CCDC9: variants seen among roughly 807,000 people sequenced by gnomAD.
CCDC9 encodes coiled-coil domain containing 9.
Under a neutral mutation model 65.6 loss-of-function variants are expected in CCDC9, and 52 were observed. The observed-to-expected ratio is 0.79, with a 90% CI of 0.63 to 1.00. The LOEUF (loss-of-function observed/expected upper bound fraction) is 1.00. Among genes scored for constraint, CCDC9 ranks in the 50% least tolerant of loss-of-function variants. The probability of loss-of-function intolerance (pLI) is 0.00; values close to 1 mark genes in which losing one functional copy is unlikely to be tolerated. For missense variants in CCDC9, 834 were observed against 757.2 expected (o/e 1.10, Z -1.19); for synonymous variants, 332 against 280.3 (o/e 1.18, Z -1.84).
At chr19:47,273,959 C>A (rs1406777004), downstream of CCDC9, 10 of 984,374 alleles carry the variant, frequency 1.0e-5, no homozygotes, top group Non-Finnish European at 1.2e-5. Context: ...CCTCCCCCCT[C>A]CCGCAGGCCT....
intron 8 of CCDC9, among the ~76,000 whole-genome samples, chr19:47,267,070 C>T (rs1327662963): frequency 6.6e-6 from 1 of 150,882 alleles, no homozygotes; most frequent in Non-Finnish European, 1.5e-5. Context: ...GTTCACACCA[C>T]TCTCCTGCCT....
Position 47,264,880 on chromosome 19 carries a change from G to A in CCDC9, c.654G>A (p.Arg218=), listed in dbSNP as rs374702564. ...SERDRREESR[R]HGRNWGGPDF... is the part of the protein sequence containing the mutation. ...GGGACCGCCGGGAGGAGAGCCGCCG[G>A]CACGGCCGCAACTGGGGGGGCCCCG... Residue 218 remains arginine, a synonymous_variant, in exon 7 of 12, where the codon CGG becomes CGA. Coordinates refer to ENST00000221922, the MANE Select transcript of CCDC9 (RefSeq NM_015603.3). 2.7e-6 allele frequency: 4 copies of A among 1,477,946 alleles called. No individual in the cohort carries two copies. In the African/African-American group the frequency reaches 4.2e-5, roughly 16 times the overall value. 91.6% of individuals were successfully genotyped at this position (1,477,946 alleles called of 1,614,324 possible). A position where few individuals can be genotyped will look rare whatever the true frequency, so the allele number is the denominator to read the frequency against.
chr19:47,268,800 C>T (rs2123474503), intron 8 of CCDC9, among the ~76,000 whole-genome samples: 1 of 151,894 alleles, frequency 6.6e-6, no homozygotes, highest in South Asian at 2.1e-4. Context: ...GCCCTGTAGT[C>T]CCAGCTACTC....
At position 47,270,650 on chromosome 19, in the gene CCDC9, C is replaced by T; in HGVS notation, c.1047C>T (p.Ser349=). ...CCAGCAGCCGCAGAAGGAGAAAGAG[C>T]AGTCGGCCCCAGGCCAAGGCAGCGC... is the stretch of plus-strand genomic sequence containing the variant. The part of the protein sequence containing the change: ...AEASSRRRRK[S]SRPQAKAAPR... Residue 349 remains serine, a synonymous_variant, in exon 10 of 12, where the codon AGC becomes AGT. Coordinates refer to ENST00000221922, the MANE Select transcript of CCDC9 (RefSeq NM_015603.3). The T allele has an allele frequency of 6.2e-7, 1 of 1,612,380 alleles. No individual in the cohort carries two copies. The highest frequency in any genetic ancestry group is 1.3e-5 in the African/African-American group (1 of 75,018).
At chr19:47,270,746 T>C in intron 10 of CCDC9, 58 bp downstream of exon 10, 1 of 1,517,368 alleles carries the variant, frequency 6.6e-7, no homozygotes, top group Non-Finnish European at 8.8e-7. Flanking sequence ...GGGCGTTCTC[T>C]TCTTTGGCTT....
chr19:47,273,546 G>A (rs553686918), downstream of CCDC9: 5 of 454,002 alleles, frequency 1.1e-5, no homozygotes, highest in Non-Finnish European at 1.8e-5. Flanking sequence ...CCACACTCCA[G>A]CCAGGAGAGG....
downstream of CCDC9, chr19:47,274,007 A>G (rs1017319617): frequency 2.0e-6 from 2 of 983,302 alleles, no homozygotes; most frequent in African/African-American, 3.5e-5. Context: ...AGGGGACTGA[A>G]GCTTCCCCGC....
intron 10 of CCDC9, 55 bp downstream of exon 10, chr19:47,270,743 CTCT>C (rs1156323097): frequency 1.3e-6 from 2 of 1,530,198 alleles, no homozygotes; most frequent in African/African-American, 1.4e-5. Context: ...GCAGGGCGTT[CTCT>C]TCTTTGGCTT....
At chr19:47,274,989 C>CG (rs1568645273), downstream of CCDC9, 3 of 1,467,480 alleles carry the variant, frequency 2.0e-6, no homozygotes, top group South Asian at 2.6e-5. Flanking sequence ...CGAGGGCCCG[C>CG]GGGGGCGCTG....
chr19:47,266,486 T>C lies in CCDC9; in HGVS notation c.721-125T>C, dbSNP rs904373087. On this transcript the variant is annotated intron_variant, in intron 7 of 11. Coordinates refer to ENST00000221922, the MANE Select transcript of CCDC9 (RefSeq NM_015603.3). ...GTGAGGAGGTGCCACCTGAGCCTAG[T>C]TGATTGTGATCTCTGCCTTGTCATC... 15 of 1,405,428 alleles carry C rather than the reference T, an allele frequency of 1.1e-5. No homozygotes were observed. In the South Asian group the frequency reaches 1.3e-4, roughly 12 times the overall value. 87.1% of individuals were successfully genotyped at this position (1,405,428 alleles called of 1,614,324 possible). A position where few individuals can be genotyped will look rare whatever the true frequency, so the allele number is the denominator to read the frequency against.
chr19:47,264,339 C>G (rs2059065900), intron 5 of CCDC9, among the ~76,000 whole-genome samples: 1 of 152,160 alleles, frequency 6.6e-6, no homozygotes, highest in East Asian at 1.9e-4. Context: ...GAACGCAGGC[C>G]CCTTCTGTCT....
Position 47,271,103 on chromosome 19 carries a change from G to A in CCDC9, c.1107G>A (p.Glu369=). Residue 369 remains glutamate (E), a synonymous_variant, in exon 11 of 12, where the codon GAG becomes GAA. Transcript: ENST00000221922. ...CTAGTGACCATGATGACCGCTGGGA[G>A]ACAAAAGAAGGGGCAGCATCCCCAG... is the stretch of plus-strand genomic sequence containing the variant. The part of the protein sequence containing the change: ...RAYSDHDDRW[E]TKEGAASPAP... 1.9e-6 allele frequency: 3 copies of A among 1,560,860 alleles called. No individual in the cohort carries two copies. The highest frequency in any genetic ancestry group is 2.4e-5 in the South Asian group (2 of 84,602).
At chr19:47,262,068 G>A (rs2059049516) in intron 5 of CCDC9, among the ~76,000 whole-genome samples, 1 of 151,994 alleles carries the variant, frequency 6.6e-6, no homozygotes, top group African/African-American at 2.4e-5. Flanking sequence ...CCAAGCTGCT[G>A]TCACACAAAG....
Position 47,264,621 on chromosome 19 carries a change from A to G in CCDC9, c.481A>G (p.Arg161Gly). The G allele has an allele frequency of 6.2e-7, 1 of 1,601,042 alleles. No homozygotes were observed. Among genetic ancestry groups the G allele is most frequent in the Non-Finnish European group, 8.5e-7 (1 of 1,174,014 alleles). ...RKSKEWEERRRQNIEKMNEEM... is the reference protein window; with the variant it reads ...RKSKEWEERRGQNIEKMNEEM... ...CCCCCAGGAGTGGGAGGAGCGGCGC[A>G]GGCAGAACATTGAGAAGATGAATGA... Residue 161 changes from arginine to glycine, a missense_variant, in exon 6 of 12, where the codon AGG becomes GGG. Transcript: ENST00000221922.
chr19:47,272,076 C>A, downstream of CCDC9: 1 of 1,236,170 alleles, frequency 8.1e-7, no homozygotes, highest in Non-Finnish European at 1.0e-6. Flanking sequence ...TAGGAGGTGG[C>A]CAGTCAGCCC....
At chr19:47,275,026 A>G (rs896620678), downstream of CCDC9, 44 of 1,487,472 alleles carry the variant, frequency 3.0e-5, no homozygotes, top group Non-Finnish European at 3.8e-5. Flanking sequence ...GTATGCGCCT[A>G]CTTCCTCTGC....
downstream of CCDC9, chr19:47,272,152 G>T (rs2059128142): frequency 8.1e-7 from 1 of 1,235,790 alleles, no homozygotes. Context: ...AGGGTCTGAG[G>T]CAACTCCAGG....
At chr19:47,263,151 G>A (rs1403037803) in intron 5 of CCDC9, among the ~76,000 whole-genome samples, 5 of 151,772 alleles carry the variant, frequency 3.3e-5, no homozygotes, top group African/African-American at 4.8e-5. Context: ...AAGAAGGGGA[G>A]AACGGATTGT....
downstream of CCDC9, among the ~76,000 whole-genome samples, chr19:47,274,188 G>T (rs1159631739): frequency 6.6e-6 from 1 of 152,158 alleles, no homozygotes; most frequent in Non-Finnish European, 1.5e-5. Context: ...CTGGAACCTC[G>T]GGGCCTGAGG....
Sources: allele counts gnomAD v4.1 joint callset (sites outside exome capture counted in the v4.1 genomes callset), GRCh38; gene constraint gnomAD v4.1.1; transcripts MANE v1.5; gene names NCBI Gene and HGNC (gene_info 2026-07-23, HGNC 2026-07-21).